Variants in PRKD3 observed in about 807,000 individuals in gnomAD.
PRKD3 encodes the protein protein kinase D3, also known as serine/threonine-protein kinase D3.
In PRKD3, 47 loss-of-function variants were observed where a neutral mutation model predicts 99.2. The observed-to-expected ratio is 0.47, with a 90% CI of 0.38 to 0.60. The LOEUF is 0.60. Among genes scored for constraint, PRKD3 ranks in the 20% least tolerant of loss-of-function variants. The pLI is 0.00. For missense variants in PRKD3, 1,019 were observed against 1,088.4 expected (o/e 0.94, Z 0.90); for synonymous variants, 392 against 355.4 (o/e 1.10, Z -1.16).
chr2:37,321,809 T>C (rs1314918989), intron 1 of PRKD3, among the ~76,000 whole-genome samples: 1 of 152,138 alleles, frequency 6.6e-6, no homozygotes, highest in African/African-American at 2.4e-5. Context: ...TAAGCTGAGA[T>C]CTCTGGATAA....
At chr2:37,265,297 A>G (rs1355314506) in intron 14 of PRKD3, among the ~76,000 whole-genome samples, 1 of 152,236 alleles carries the variant, frequency 6.6e-6, no homozygotes, top group Non-Finnish European at 1.5e-5. Flanking sequence ...GAAAAAGTTT[A>G]GCTGTGATGC....
At chr2:37,265,018 A>G (rs1372630668) in intron 14 of PRKD3, among the ~76,000 whole-genome samples, 5 of 152,166 alleles carry the variant, frequency 3.3e-5, no homozygotes, top group Non-Finnish European at 5.9e-5. Context: ...AATATGCGCA[A>G]TCTTCACCCC....
chr2:37,280,937 G>A (rs1187141332), intron 7 of PRKD3, among the ~76,000 whole-genome samples: 2 of 152,046 alleles, frequency 1.3e-5, no homozygotes, highest in African/African-American at 4.8e-5. Context: ...TAACCTAAAT[G>A]GGCAAAGGAT....
intron 16 of PRKD3, 93 bp from the exon 17 acceptor site, chr2:37,257,022 ATACT>A: frequency 7.5e-7 from 1 of 1,332,126 alleles, no homozygotes; most frequent in Admixed American, 1.9e-5. Context: ...TCATTTCAAC[ATACT>A]TGCCAGCTCT....
intron 17 of PRKD3, among the ~76,000 whole-genome samples, chr2:37,255,852 A>G (rs1667888741): frequency 6.6e-6 from 1 of 152,056 alleles, no homozygotes; most frequent in South Asian, 2.1e-4. Context: ...CAAAAAATTT[A>G]AAAATTAGCC....
At chr2:37,273,588 T>C (rs1361074161) in intron 11 of PRKD3, among the ~76,000 whole-genome samples, 1 of 152,246 alleles carries the variant, frequency 6.6e-6, no homozygotes, top group Non-Finnish European at 1.5e-5. Flanking sequence ...AATACCTTTA[T>C]ATATCCCATC....
At position 37,323,830 on chromosome 2, in the gene PRKD3, C is replaced by T. The variant is rs75359576; in HGVS notation, c.-656+851G>A. Among the ~76,000 whole-genome samples the T allele has an allele frequency of 0.01, 1,536 of 152,278 alleles. 55 individuals carry two copies. The East Asian group carries it at 0.12, about 12-fold the overall frequency. On this transcript the variant is annotated intron_variant, in intron 1 of 18. Transcript: ENST00000234179. ...ACTTATCCTTCCTAATCAAAGATGA[C>T]ACCGATAGTCTTATTTCCTGTGGGG...
chr2:37,301,952 A>G (rs1311496276), intron 2 of PRKD3, among the ~76,000 whole-genome samples: 1 of 152,228 alleles, frequency 6.6e-6, no homozygotes, highest in East Asian at 1.9e-4. Flanking sequence ...CAGTGGGTAG[A>G]GCACTGTAGA....
chr2:37,304,396 G>C (rs1671069158), intron 2 of PRKD3, among the ~76,000 whole-genome samples: 1 of 152,124 alleles, frequency 6.6e-6, no homozygotes, highest in Non-Finnish European at 1.5e-5. Context: ...ACATGGACTT[G>C]AATTTATTAA....
intron 1 of PRKD3, among the ~76,000 whole-genome samples, chr2:37,321,664 G>A (rs754446741): frequency 6.6e-6 from 1 of 152,222 alleles, no homozygotes; most frequent in Non-Finnish European, 1.5e-5. Flanking sequence ...AATTCAAAGT[G>A]TGATGTGAGA....
At chr2:37,278,515 A>T (rs1417735286) in intron 8 of PRKD3, 1 of 152,366 alleles carries the variant, frequency 6.6e-6, no homozygotes, top group African/African-American at 2.4e-5. Context: ...AAATGTAACA[A>T]GTCAAATCAG....
At position 37,316,405 on chromosome 2, in the gene PRKD3, G is replaced by C; in HGVS notation, c.120C>G (p.Leu40=). The change falls in exon 2 of 19, where the codon CTC becomes CTG. Residue 40 remains leucine (L), a synonymous_variant. Coordinates refer to ENST00000234179, the MANE Select transcript of PRKD3 (RefSeq NM_005813.6). ...SSPKTGLSAR[L]SNGSFSAPSL... ...ATGGTGCACTGAAGCTTCCATTAGAGAGTCGGGCAGAGAGTCCCGTCTTAG... is the reference window on the plus strand; with the variant it reads ...ATGGTGCACTGAAGCTTCCATTAGACAGTCGGGCAGAGAGTCCCGTCTTAG... 6.2e-7 allele frequency: 1 copy of C among 1,614,210 alleles called. No homozygotes were observed. Among genetic ancestry groups the C allele is most frequent in the Non-Finnish European group, 8.5e-7 (1 of 1,180,040 alleles).
intron 14 of PRKD3, among the ~76,000 whole-genome samples, chr2:37,263,785 T>G (rs1436434702): frequency 2.0e-5 from 3 of 152,172 alleles, no homozygotes; most frequent in Non-Finnish European, 4.4e-5. Flanking sequence ...CACCTCTGCT[T>G]CATCTTCACT....
intron 8 of PRKD3, 27 bp downstream of exon 8, chr2:37,279,719 G>A: frequency 6.5e-7 from 1 of 1,548,858 alleles, no homozygotes; most frequent in Non-Finnish European, 8.7e-7. Flanking sequence ...GCATCTGGAA[G>A]TAGCTTGTAA....
At chr2:37,281,967 C>T (rs1001391248) in intron 7 of PRKD3, among the ~76,000 whole-genome samples, 17 of 152,166 alleles carry the variant, frequency 1.1e-4, no homozygotes, top group African/African-American at 3.6e-4. Flanking sequence ...AAATGGACAA[C>T]GATTATTTGA....
At chr2:37,267,108 A>T (rs564562268) in intron 14 of PRKD3, among the ~76,000 whole-genome samples, 48 of 152,354 alleles carry the variant, frequency 3.2e-4, no homozygotes, top group African/African-American at 1.1e-3. Flanking sequence ...TTACTTGCAC[A>T]GTAATTGCTA....
At chr2:37,317,567 C>T (rs1278522461) in intron 1 of PRKD3, among the ~76,000 whole-genome samples, 1 of 151,982 alleles carries the variant, frequency 6.6e-6, no homozygotes, top group African/African-American at 2.4e-5. Flanking sequence ...ACATGCCACC[C>T]CACCACACAA....
chr2:37,270,942 T>C (rs1669214792), intron 12 of PRKD3, among the ~76,000 whole-genome samples: 1 of 152,236 alleles, frequency 6.6e-6, no homozygotes, highest in Non-Finnish European at 1.5e-5. Flanking sequence ...CATGGGATTA[T>C]TCAAAATTTG....
chr2:37,297,542 T>C (rs866901145), intron 2 of PRKD3, among the ~76,000 whole-genome samples: 6 of 152,166 alleles, frequency 3.9e-5, no homozygotes, highest in Non-Finnish European at 8.8e-5. Context: ...TTTTACCTAA[T>C]ACCCTTTTTC....
Sources: allele counts gnomAD v4.1 joint callset (sites outside exome capture counted in the v4.1 genomes callset), GRCh38; gene constraint gnomAD v4.1.1; transcripts MANE v1.5; gene names NCBI Gene and HGNC (gene_info 2026-07-23, HGNC 2026-07-21).